The following REEP5 variants were observed in gnomAD, a reference collection of about 807,000 sequenced individuals.
REEP5 encodes receptor accessory protein 5, also known as receptor expression-enhancing protein 5.
A neutral mutation model predicts 22.4 loss-of-function variants in REEP5; 24 were observed. The observed-to-expected ratio is 1.07, with a 90% confidence interval of 0.78 to 1.51. REEP5 has a LOEUF of 1.51. REEP5 is among the 40% of genes most tolerant of loss of function. The pLI is 0.00. For missense variants in REEP5, 252 were observed against 233.0 expected (o/e 1.08, Z -0.53); for synonymous variants, 103 against 88.6 (o/e 1.16, Z -0.92).
intron 4 of REEP5, among the ~76,000 whole-genome samples, chr5:112,884,717 C>T (rs1009830742): frequency 6.6e-6 from 1 of 151,416 alleles, no homozygotes; most frequent in Non-Finnish European, 1.5e-5. Flanking sequence ...TTCAGTAGAG[C>T]CTTCTGGTAT....
intron 3 of REEP5, chr5:112,892,537 C>T (rs756841975): frequency 1.5e-5 from 24 of 1,614,018 alleles, no homozygotes; most frequent in Middle Eastern, 1.6e-4. Flanking sequence ...GTATGCAGGA[C>T]GACAGCTGCA....
At chr5:112,903,373 G>A (rs1768889538) in intron 2 of REEP5, among the ~76,000 whole-genome samples, 1 of 152,128 alleles carries the variant, frequency 6.6e-6, no homozygotes, top group African/African-American at 2.4e-5. Context: ...TACATTGACA[G>A]GGAGCTAAGC....
At chr5:112,915,842 T>C (rs945568072) in intron 2 of REEP5, among the ~76,000 whole-genome samples, 3 of 150,718 alleles carry the variant, frequency 2.0e-5, no homozygotes, top group African/African-American at 7.4e-5. Flanking sequence ...TGCTCTGAAG[T>C]TCTCATGAGT....
chr5:112,892,442 A>G (rs1271764893), intron 3 of REEP5: 1 of 1,614,158 alleles, frequency 6.2e-7, no homozygotes, highest in Non-Finnish European at 8.5e-7. Context: ...TGCAATTTGG[A>G]ACCTCACCTG....
chr5:112,890,369 CT>C (rs34475290), intron 3 of REEP5, among the ~76,000 whole-genome samples: 60,815 of 143,054 alleles, frequency 0.43, 14,760 homozygotes, highest in African/African-American at 0.67. Context: ...AAATTTAAGT[CT>C]TTTTTTTTTT....
At chr5:112,879,504 C>A (rs573948609) in intron 4 of REEP5, among the ~76,000 whole-genome samples, 1 of 152,166 alleles carries the variant, frequency 6.6e-6, no homozygotes, top group Non-Finnish European at 1.5e-5. Flanking sequence ...GACGGAGTCT[C>A]GCTCTGTCAC....
At chr5:112,912,329 G>A (rs538983485) in intron 2 of REEP5, among the ~76,000 whole-genome samples, 2 of 152,152 alleles carry the variant, frequency 1.3e-5, no homozygotes, top group South Asian at 4.1e-4. Flanking sequence ...ATAAAATTAA[G>A]TAATAGTATG....
At chr5:112,892,034 A>G in intron 3 of REEP5, 1 of 1,422,956 alleles carries the variant, frequency 7.0e-7, no homozygotes, top group South Asian at 1.1e-5. Context: ...CAGAAACAAC[A>G]GGAGAAGAAA....
rs1325419332 is a variant in REEP5 at position 112,877,602 on chromosome 5, G to GTGTT, written c.*1180_*1183dup. The stretch of plus-strand genomic sequence containing the variant: ...GACTTGTAAACTAGGGAAGCCTCTT[G>GTGTT]TGTTTGACCTTAAAGGCCAGAGAAA... On this transcript the variant is annotated 3_prime_UTR_variant, in exon 5 of 5. Transcript: ENST00000379638. 2.0e-5 allele frequency: 3 copies of GTGTT among 152,154 alleles called. No homozygotes were observed. The highest frequency in any genetic ancestry group is 2.9e-5 in the Non-Finnish European group (2 of 68,036). The allele number at this position is 152,154 out of a possible 1,614,324, so 9.4% of individuals were successfully genotyped here. A position where few individuals can be genotyped will look rare whatever the true frequency, so the allele number is the denominator to read the frequency against.
At chr5:112,887,332 G>A (rs1204260379) in intron 3 of REEP5, 149 bp from the exon 4 acceptor site, 4 of 717,130 alleles carry the variant, frequency 5.6e-6, no homozygotes, top group African/African-American at 5.3e-5. Context: ...GGTTAAAGGT[G>A]GGCTTTCTTT....
chr5:112,904,427 T>C (rs1768910912), intron 2 of REEP5, among the ~76,000 whole-genome samples: 1 of 152,232 alleles, frequency 6.6e-6, no homozygotes. Flanking sequence ...TGTACATTCA[T>C]TCTGGGCAGA....
intron 2 of REEP5, among the ~76,000 whole-genome samples, chr5:112,908,101 G>GTTT (rs1047059353): frequency 9.5e-5 from 8 of 83,888 alleles, no homozygotes; most frequent in Admixed American, 8.6e-4. Context: ...TTTGTTTTTT[G>GTTT]TTTTTTTTTT....
chr5:112,881,805 A>G (rs760837354), intron 4 of REEP5, among the ~76,000 whole-genome samples: 8 of 152,104 alleles, frequency 5.3e-5, no homozygotes, highest in African/African-American at 1.9e-4. Context: ...TCACTCTGTC[A>G]CCCAGGCTGG....
chr5:112,892,585 AT>A, intron 3 of REEP5: 1 of 1,614,200 alleles, frequency 6.2e-7, no homozygotes, highest in Non-Finnish European at 8.5e-7. Context: ...GAAAATGGCG[AT>A]TTGTGGTTTA....
At chr5:112,883,161 C>T (rs755888093) in intron 4 of REEP5, among the ~76,000 whole-genome samples, 2 of 152,214 alleles carry the variant, frequency 1.3e-5, no homozygotes, top group Non-Finnish European at 2.9e-5. Flanking sequence ...GACCATAATT[C>T]CTTCTTCCAG....
intron 3 of REEP5, among the ~76,000 whole-genome samples, chr5:112,889,456 TAAAG>T (rs1768362911): frequency 6.6e-6 from 1 of 150,828 alleles, no homozygotes; most frequent in Admixed American, 6.6e-5. Context: ...AATAGGATGA[TAAAG>T]AAGGAAAGCA....
In REEP5 at chr5:112,887,091, G is replaced by T. The variant is rs199535089; in HGVS notation, c.444C>A (p.His148Gln). The change falls in exon 4 of 5, where the codon CAC becomes CAA. Residue 148 changes from histidine (H) to glutamine (Q), a missense_variant. Physicochemically the swap from His to Gln is conservative, Grantham distance 24. Coordinates refer to ENST00000379638, the MANE Select transcript of REEP5 (RefSeq NM_005669.5). ...TGACCACACTGTCCATCTGGGACTC[G>T]TGCTTCAGGAAGAAAGGACGGATGA... Reference protein sequence around the residue: ...KRIIRPFFLKHESQMDSVVKD... With the variant: ...KRIIRPFFLKQESQMDSVVKD... The T allele has an allele frequency of 5.0e-6, 8 of 1,613,584 alleles. No individual in the cohort carries two copies. Among genetic ancestry groups the T allele is most frequent in the Non-Finnish European group, 6.8e-6 (8 of 1,179,908 alleles).
At chr5:112,908,100 T>C (rs1183660768) in intron 2 of REEP5, among the ~76,000 whole-genome samples, 1 of 97,914 alleles carries the variant, frequency 1.0e-5, no homozygotes, top group Admixed American at 1.0e-4. Context: ...CTTTGTTTTT[T>C]GTTTTTTTTT....
chr5:112,921,945 A>G, intron 1 of REEP5, 128 bp downstream of exon 1: 1 of 1,209,186 alleles, frequency 8.3e-7, no homozygotes. Context: ...TGATCCCTGA[A>G]TATGCTGCTT....
Sources: allele counts gnomAD v4.1 joint callset (sites outside exome capture counted in the v4.1 genomes callset), GRCh38; gene constraint gnomAD v4.1.1; transcripts MANE v1.5; gene names NCBI Gene and HGNC (gene_info 2026-07-23, HGNC 2026-07-21).